Variants in ANO3 observed in about 807,000 individuals in gnomAD.
The protein encoded by ANO3 is anoctamin-3.
ANO3 carries 99 observed loss-of-function variants against 144.8 expected under a neutral mutation model. The ratio of observed to expected loss-of-function variants is 0.68; its 90% confidence interval spans 0.58 to 0.81. ANO3 has a LOEUF of 0.81. Among genes scored for constraint, ANO3 ranks in the 30% least tolerant of loss-of-function variants. The probability of loss-of-function intolerance (pLI) is 0.00; values close to 1 mark genes in which losing one functional copy is unlikely to be tolerated. For missense variants in ANO3, 905 were observed against 1,202.2 expected (o/e 0.75, Z 3.66); for synonymous variants, 414 against 392.6 (o/e 1.05, Z -0.64).
At chr11:26,521,419 T>G (rs1862071970) in intron 6 of ANO3, among the ~76,000 whole-genome samples, 1 of 152,186 alleles carries the variant, frequency 6.6e-6, no homozygotes, top group South Asian at 2.1e-4. Context: ...AGTTCTTTTC[T>G]TCCTCCTTCT....
chr11:26,428,727 T>TTGTG (rs66649719), intron 1 of ANO3, among the ~76,000 whole-genome samples: 18 of 151,112 alleles, frequency 1.2e-4, no homozygotes, highest in African/African-American at 4.4e-4. Context: ...CTTGTAGAAT[T>TTGTG]TGTGTGTGTG....
chr11:26,332,025 G>A (rs1251846429), upstream of ANO3: 2 of 1,176,240 alleles, frequency 1.7e-6, no homozygotes, highest in African/African-American at 1.6e-5. Flanking sequence ...GGCACTGGAC[G>A]CGCGGGGGAT....
intron 17 of ANO3, among the ~76,000 whole-genome samples, chr11:26,609,187 C>A (rs1852019973): frequency 6.6e-6 from 1 of 152,190 alleles, no homozygotes; most frequent in Admixed American, 6.5e-5. Context: ...TGGAGGCTCC[C>A]TTATCCCCTG....
intron 1 of ANO3, among the ~76,000 whole-genome samples, chr11:26,217,485 A>T (rs1852057437): frequency 6.6e-6 from 1 of 152,050 alleles, no homozygotes; most frequent in African/African-American, 2.4e-5. Context: ...ACCACAAATA[A>T]TGATTCGAGA....
At chr11:26,284,134 T>C (rs1853747522) in intron 1 of ANO3, among the ~76,000 whole-genome samples, 1 of 151,932 alleles carries the variant, frequency 6.6e-6, no homozygotes, top group Non-Finnish European at 1.5e-5. Flanking sequence ...TGGGAAGCAA[T>C]TGAAGGGTTG....
At chr11:26,284,125 G>A (rs1174643133) in intron 1 of ANO3, among the ~76,000 whole-genome samples, 1 of 152,130 alleles carries the variant, frequency 6.6e-6, no homozygotes, top group African/African-American at 2.4e-5. Context: ...TAAGTGCAGT[G>A]GGAAGCAATT....
At chr11:26,244,115 TGAAAAAAAAAAAAAAA>T (rs1474250615) in intron 1 of ANO3, among the ~76,000 whole-genome samples, 4 of 106,390 alleles carry the variant, frequency 3.8e-5, no homozygotes, top group African/African-American at 1.3e-4. Context: ...AGACTCTGTC[TGAAAAAAAAAAAAAAA>T]GAAAAGAAAA....
At chr11:26,441,117 T>TG (rs1287496921) in intron 1 of ANO3, among the ~76,000 whole-genome samples, 1 of 118,594 alleles carries the variant, frequency 8.4e-6, no homozygotes, top group Non-Finnish European at 1.8e-5. Flanking sequence ...TTTTTTTTTT[T>TG]TTTTTTTTTT....
At chr11:26,363,697 A>G (rs1487776212) in intron 1 of ANO3, among the ~76,000 whole-genome samples, 1 of 152,140 alleles carries the variant, frequency 6.6e-6, no homozygotes, top group Non-Finnish European at 1.5e-5. Context: ...TTATGAGGAT[A>G]TATTCTTGGG....
chr11:26,365,805 G>C (rs1856054123), intron 1 of ANO3, among the ~76,000 whole-genome samples: 1 of 152,050 alleles, frequency 6.6e-6, no homozygotes, highest in East Asian at 1.9e-4. Context: ...TGAGGTGAGA[G>C]GTTGCTGTGA....
upstream of ANO3, among the ~76,000 whole-genome samples, chr11:26,305,580 CT>C (rs988868603): frequency 3.9e-5 from 6 of 151,954 alleles, no homozygotes; most frequent in Admixed American, 1.3e-4. Flanking sequence ...TCTGCAGAGA[CT>C]TTTTCTCAGA....
At chr11:26,419,246 T>C (rs1857683512) in intron 1 of ANO3, among the ~76,000 whole-genome samples, 1 of 152,120 alleles carries the variant, frequency 6.6e-6, no homozygotes, top group Non-Finnish European at 1.5e-5. Flanking sequence ...AGGGAGATGG[T>C]GTTAAATCAT....
At chr11:26,208,919 G>T (rs1385363423) in intron 1 of ANO3, among the ~76,000 whole-genome samples, 1 of 152,100 alleles carries the variant, frequency 6.6e-6, no homozygotes, top group Admixed American at 6.6e-5. Context: ...TAACTGTGTG[G>T]GAAATAGTCT....
At chr11:26,448,182 C>T (rs890758438) in intron 3 of ANO3, among the ~76,000 whole-genome samples, 4 of 151,910 alleles carry the variant, frequency 2.6e-5, no homozygotes, top group Admixed American at 1.3e-4. Flanking sequence ...GCCTGTAATC[C>T]CAGCTACTAG....
intron 23 of ANO3, 105 bp downstream of exon 23, chr11:26,643,439 A>C: frequency 7.1e-7 from 1 of 1,412,128 alleles, no homozygotes; most frequent in Non-Finnish European, 9.7e-7. Flanking sequence ...TGCCAGTGTC[A>C]TAGTATTAAG....
chr11:26,392,634 A>C (rs1856912696), intron 1 of ANO3, among the ~76,000 whole-genome samples: 2 of 152,156 alleles, frequency 1.3e-5, no homozygotes, highest in Non-Finnish European at 2.9e-5. Context: ...ACAAAAGTAC[A>C]GTAAAAGTGA....
chr11:26,318,321 T>C (rs1854676397), intron 1 of ANO3, among the ~76,000 whole-genome samples: 2 of 152,124 alleles, frequency 1.3e-5, no homozygotes, highest in South Asian at 2.1e-4. Flanking sequence ...CTGAGAGAAA[T>C]ACAATGTACT....
At chr11:26,343,578 C>T (rs959939396) in intron 1 of ANO3, among the ~76,000 whole-genome samples, 5 of 152,220 alleles carry the variant, frequency 3.3e-5, no homozygotes, top group South Asian at 2.1e-4. Flanking sequence ...TGCAGCTGGT[C>T]GTGCATTTAC....
Position 26,462,410 on chromosome 11 carries a change from T to C in ANO3, c.314-620T>C, listed in dbSNP as rs545365924. 2.0e-5 allele frequency among the ~76,000 whole-genome samples: 3 copies of C among 152,050 alleles called. No individual in the cohort carries two copies. The East Asian group carries it at 5.8e-4, about 30-fold the overall frequency. On this transcript the variant is annotated intron_variant, in intron 3 of 26. Transcript: ENST00000256737. Reference sequence around the variant, plus strand: ...TTATTTTACATTAATTACAGCTTATTCATTGTTCATGTACATCCTTATGTG... The same window carrying C: ...TTATTTTACATTAATTACAGCTTATCCATTGTTCATGTACATCCTTATGTG...
Sources: gnomAD v4.1 joint callset for allele counts (sites outside exome capture counted in the v4.1 genomes callset) on GRCh38, gnomAD v4.1.1 for gene constraint, MANE v1.5 for transcripts, NCBI Gene and HGNC (gene_info 2026-07-23, HGNC 2026-07-21) for gene names.